MMD: variants seen among roughly 807,000 people sequenced by gnomAD.
The protein encoded by MMD is monocyte to macrophage differentiation associated.
In MMD, 22 loss-of-function variants were observed where a neutral mutation model predicts 33.6. The ratio of observed to expected loss-of-function variants is 0.66; its 90% CI spans 0.47 to 0.94. The LOEUF (loss-of-function observed/expected upper bound fraction) is 0.94. MMD is among the 40% of genes least tolerant of loss of function. MMD has a pLI of 0.00. For synonymous variants in MMD, 97 were observed against 103.2 expected (o/e 0.94, Z 0.36); for missense variants, 242 against 309.8 (o/e 0.78, Z 1.64).
intron 6 of MMD, among the ~76,000 whole-genome samples, chr17:55,399,735 T>A: frequency 6.6e-6 from 1 of 152,226 alleles, no homozygotes; most frequent in Non-Finnish European, 1.5e-5. Context: ...TTTCATGATC[T>A]CTTTTTCTTT....
chr17:55,410,676 G>A (rs927971113), intron 3 of MMD, among the ~76,000 whole-genome samples: 7 of 152,152 alleles, frequency 4.6e-5, no homozygotes, highest in Admixed American at 3.3e-4. Flanking sequence ...AATGGTAAAC[G>A]CAAACTATAA....
chr17:55,410,085 G>T (rs1907705404), intron 3 of MMD, among the ~76,000 whole-genome samples: 1 of 152,132 alleles, frequency 6.6e-6, no homozygotes, highest in Admixed American at 6.5e-5. Flanking sequence ...ACTAGGACTT[G>T]GAGTCAGAGG....
rs1907754173 is a variant in MMD, at chr17:55,411,352, T to C, written c.174A>G (p.Glu58=). ...TTCCATAAATCCATGCTGTTATCTT[T>C]TCCCAGCAGTCATCAGACAGCCGAT... is the stretch of plus-strand genomic sequence containing the variant. The part of the protein sequence containing the change: ...LLHRLSDDCW[E]KITAWIYGMG... Residue 58 remains glutamate, a synonymous_variant, in exon 3 of 7, where the codon GAA becomes GAG. Transcript: ENST00000262065. 1 of 1,614,044 alleles carries C rather than the reference T, an allele frequency of 6.2e-7. No homozygotes were observed. The highest frequency in any genetic ancestry group is 8.5e-7 in the Non-Finnish European group (1 of 1,179,936).
In MMD at chr17:55,414,164, C is replaced by G; in HGVS notation, c.95G>C (p.Cys32Ser). 6.2e-7 allele frequency: 1 copy of G among 1,613,832 alleles called. No individual in the cohort carries two copies. The highest frequency in any genetic ancestry group is 8.5e-7 in the Non-Finnish European group (1 of 1,179,798). The change falls in exon 2 of 7, where the codon TGT (cysteine) becomes TCT (serine). Residue 32 changes from cysteine (C) to serine (S), a missense_variant. Transcript: ENST00000262065. ...KPTCYEHAAN[C>S]YTHAFLIVPA... is the part of the protein sequence containing the mutation. The stretch of plus-strand genomic sequence containing the variant: ...ACTTGTACTCACTGCGTGTGTGTAA[C>G]AGTTAGCAGCATGTTCATAGCAAGT...
chr17:55,404,371 A>C (rs1353245319), intron 4 of MMD: 3 of 744,786 alleles, frequency 4.0e-6, no homozygotes, highest in Non-Finnish European at 4.9e-6. Context: ...AAAAAGAATT[A>C]GTTTCAACAT....
At chr17:55,400,409 G>T in intron 6 of MMD, among the ~76,000 whole-genome samples, 1 of 151,958 alleles carries the variant, frequency 6.6e-6, no homozygotes, top group South Asian at 2.1e-4. Flanking sequence ...ATTAGCCAAG[G>T]GTTGCAGCCC....
intron 6 of MMD, among the ~76,000 whole-genome samples, chr17:55,397,833 A>AC (rs758010594): frequency 2.0e-5 from 3 of 151,882 alleles, no homozygotes; most frequent in Non-Finnish European, 2.9e-5. Context: ...GAGCCACAGC[A>AC]CCCGGACCCT....
At chr17:55,401,581 A>G (rs1025790281) in intron 5 of MMD, 43 bp from the exon 6 acceptor site, 7 of 1,474,292 alleles carry the variant, frequency 4.7e-6, no homozygotes, top group Middle Eastern at 1.8e-4. Context: ...ATAAATTTCT[A>G]TAACACCTAA....
At chr17:55,400,968 G>A (rs1402637221) in intron 6 of MMD, among the ~76,000 whole-genome samples, 1 of 151,876 alleles carries the variant, frequency 6.6e-6, no homozygotes, top group African/African-American at 2.4e-5. Context: ...AACAAAAAAA[G>A]TGCTTGACTT....
intron 6 of MMD, among the ~76,000 whole-genome samples, chr17:55,400,630 A>G (rs1907292797): frequency 6.6e-6 from 1 of 152,196 alleles, no homozygotes; most frequent in Non-Finnish European, 1.5e-5. Flanking sequence ...CTTCTGAACA[A>G]TGTAGGCTCA....
At chr17:55,408,202 C>T (rs1490942736) in intron 3 of MMD, among the ~76,000 whole-genome samples, 2 of 152,202 alleles carry the variant, frequency 1.3e-5, no homozygotes, top group Non-Finnish European at 2.9e-5. Context: ...CTCCCCGCAA[C>T]CTGCCCCAGC....
At chr17:55,396,555 T>C (rs1907107403) in intron 6 of MMD, among the ~76,000 whole-genome samples, 1 of 152,236 alleles carries the variant, frequency 6.6e-6, no homozygotes, top group Admixed American at 6.5e-5. Flanking sequence ...ATTTTATCTT[T>C]TCTCTTGACT....
At position 55,421,709 on chromosome 17, in the gene MMD, C is replaced by T. The variant is rs1908198395; in HGVS notation, c.-14G>A. On this transcript the variant is annotated 5_prime_UTR_variant, in exon 1 of 7. Coordinates refer to ENST00000262065, the MANE Select transcript of MMD (RefSeq NM_012329.3). ...CTTGAACCGCATTGATCCTCTGCTCCTCCTCGGGGGCCAGGAGCTCCGTCT... is the reference window on the plus strand; with the variant it reads ...CTTGAACCGCATTGATCCTCTGCTCTTCCTCGGGGGCCAGGAGCTCCGTCT... 4.4e-6 allele frequency: 7 copies of T among 1,586,156 alleles called. No homozygotes were observed. Among genetic ancestry groups the T allele is most frequent in the Middle Eastern group, 1.7e-4 (1 of 5,966 alleles).
intron 6 of MMD, among the ~76,000 whole-genome samples, chr17:55,396,969 C>T (rs1247550710): frequency 6.6e-6 from 1 of 152,108 alleles, no homozygotes; most frequent in Non-Finnish European, 1.5e-5. Flanking sequence ...CACAATGTAC[C>T]TTTATTATTA....
intron 1 of MMD, among the ~76,000 whole-genome samples, chr17:55,418,507 T>TCA (rs1276247793): frequency 1.3e-5 from 2 of 152,106 alleles, no homozygotes; most frequent in Non-Finnish European, 2.9e-5. Flanking sequence ...ACCCCGAATC[T>TCA]CACACACACA....
Position 55,411,247 on chromosome 17 carries a change from T to C in MMD, c.269+10A>G, listed in dbSNP as rs765274425. On this transcript the variant is annotated intron_variant, in intron 3 of 6. Coordinates refer to ENST00000262065, the MANE Select transcript of MMD (RefSeq NM_012329.3). ...TTGGATCTGTTGAAACAGCATGTCATCCACTGTACCTTAAGTGGCTCTTTT... is the reference window on the plus strand; with the variant it reads ...TTGGATCTGTTGAAACAGCATGTCACCCACTGTACCTTAAGTGGCTCTTTT... The C allele has an allele frequency of 1.9e-6, 3 of 1,609,002 alleles. No individual in the cohort carries two copies. The Middle Eastern group carries it at 5.0e-4, about 267-fold the overall frequency.
rs1200921504 is a variant in MMD at position 55,393,472 on chromosome 17, T to C, written c.*862A>G. On this transcript the variant is annotated 3_prime_UTR_variant, in exon 7 of 7. Transcript: ENST00000262065. ...GCAGATGGCCATCACAACAATACTG[T>C]CATAATACAGAAAAAACATTTATCC... 6.6e-6 allele frequency: 1 copy of C among 152,494 alleles called. No individual in the cohort carries two copies. The allele number at this position is 152,494 out of a possible 1,614,324, so 9.4% of individuals were successfully genotyped here.
At position 55,407,833 on chromosome 17, in the gene MMD, A is replaced by T. The variant is rs747353259; in HGVS notation, c.270-13T>A. The T allele has an allele frequency of 6.6e-7, 1 of 1,523,788 alleles. No homozygotes were observed. 94.4% of individuals were successfully genotyped at this position (1,523,788 alleles called of 1,614,324 possible). A position where few individuals can be genotyped will look rare whatever the true frequency, so the allele number is the denominator to read the frequency against. ...ATGCTCCACTGTCCTAGCGAGGGGGAAAAAAAAGTAAATTTGTCAGAAAGT... is the reference window on the plus strand; with the variant it reads ...ATGCTCCACTGTCCTAGCGAGGGGGTAAAAAAAGTAAATTTGTCAGAAAGT... On this transcript the variant is annotated splice_polypyrimidine_tract_variant and intron_variant, in intron 3 of 6. Transcript: ENST00000262065.
chr17:55,410,652 GC>G (rs1336800597), intron 3 of MMD, among the ~76,000 whole-genome samples: 18 of 152,280 alleles, frequency 1.2e-4, no homozygotes, highest in African/African-American at 4.3e-4. Flanking sequence ...AATTCTGAAA[GC>G]TAAACTTTGC....
Sources: allele counts gnomAD v4.1 joint callset (sites outside exome capture counted in the v4.1 genomes callset), GRCh38; gene constraint gnomAD v4.1.1; transcripts MANE v1.5; gene names NCBI Gene and HGNC (gene_info 2026-07-23, HGNC 2026-07-21).